LRBA: variants seen among roughly 807,000 people sequenced by gnomAD.
LRBA encodes the protein LPS responsive beige-like anchor protein.
LRBA carries 176 observed loss-of-function variants against 330.0 expected under a neutral mutation model. The observed-to-expected ratio is 0.53, with a 90% confidence interval of 0.47 to 0.60. LRBA has a LOEUF of 0.60. Ranked by LOEUF, LRBA falls within the 20% of genes least tolerant of loss-of-function variation. The pLI, the probability that LRBA is intolerant of heterozygous loss-of-function variation, is 0.00. For missense variants in LRBA, 3,259 were observed against 3,444.8 expected, an observed-to-expected ratio of 0.95 and a Z score of 1.35; for synonymous variants, 1,230 against 1,193.0, an observed-to-expected ratio of 1.03 and a Z score of -0.64.
chr4:150,967,824 T>C lies in LRBA; in HGVS notation c.217-38759A>G, dbSNP rs906775375. ...TGGGGTATCATAAACCATGTCCATA[T>C]AAGATAGTGAACTTAATAAATGTGG... On this transcript the variant is annotated intron_variant, in intron 2 of 56. Transcript: ENST00000651943. Among the ~76,000 whole-genome samples the C allele has an allele frequency of 2.0e-5, 3 of 152,146 alleles. No homozygotes were observed. In the East Asian group the frequency reaches 5.8e-4, roughly 29 times the overall value.
chr4:150,336,613 C>G (rs1281910003), intron 48 of LRBA, among the ~76,000 whole-genome samples: 1 of 152,084 alleles, frequency 6.6e-6, no homozygotes, highest in African/African-American at 2.4e-5. Context: ...ACTAGCATAT[C>G]TACTCAAATA....
At position 150,599,206 on chromosome 4, in the gene LRBA, C is replaced by G. The variant is rs935281365; in HGVS notation, c.5922-75G>C. Reference sequence around the variant, plus strand: ...GGTAGCACTGAATTTCTGCATAAAGCTCTCCTTGTTTGCTCTGCCTTTTTT... The same window carrying G: ...GGTAGCACTGAATTTCTGCATAAAGGTCTCCTTGTTTGCTCTGCCTTTTTT... On this transcript the variant is annotated intron_variant, in intron 37 of 56. Transcript: ENST00000651943. 33 of 1,532,052 alleles carry G rather than the reference C, an allele frequency of 2.2e-5. No individual in the cohort carries two copies. In the African/African-American group the frequency reaches 3.8e-4, roughly 18 times the overall value. 94.9% of individuals were successfully genotyped at this position (1,532,052 alleles called of 1,614,324 possible). A position where few individuals can be genotyped will look rare whatever the true frequency, so the allele number is the denominator to read the frequency against.
chr4:150,442,577 C>A (rs996686849), intron 44 of LRBA, among the ~76,000 whole-genome samples: 1 of 152,064 alleles, frequency 6.6e-6, no homozygotes, highest in Non-Finnish European at 1.5e-5. Context: ...ATAAAGCCTG[C>A]CTTACAGTAC....
chr4:150,845,359 AAC>A (rs1749700933), intron 26 of LRBA, among the ~76,000 whole-genome samples: 1 of 152,206 alleles, frequency 6.6e-6, no homozygotes, highest in African/African-American at 2.4e-5. Context: ...CTTTCATTAA[AAC>A]TGCTTAGAAA....
chr4:150,502,963 G>A (rs1000619892), intron 40 of LRBA, among the ~76,000 whole-genome samples: 1 of 152,328 alleles, frequency 6.6e-6, no homozygotes, highest in Middle Eastern at 3.4e-3. Flanking sequence ...TGCTAGCACA[G>A]CAGTCTGAGA....
chr4:150,438,534 C>T (rs1294321062), intron 44 of LRBA, among the ~76,000 whole-genome samples: 4 of 151,994 alleles, frequency 2.6e-5, no homozygotes, highest in African/African-American at 9.7e-5. Flanking sequence ...AAAAAAGATA[C>T]ACAACAGTCT....
chr4:150,865,022 G>A (rs1475220626), intron 22 of LRBA, among the ~76,000 whole-genome samples: 4 of 152,256 alleles, frequency 2.6e-5, no homozygotes, highest in Non-Finnish European at 5.9e-5. Context: ...AGGACTTGAA[G>A]AAACTAAGGT....
chr4:150,363,479 T>C (rs546624370), intron 47 of LRBA, among the ~76,000 whole-genome samples: 2 of 152,380 alleles, frequency 1.3e-5, no homozygotes, highest in Non-Finnish European at 2.9e-5. Context: ...ATATTTATTA[T>C]ATTACATGTT....
chr4:150,351,412 G>A (rs745348167), intron 47 of LRBA, among the ~76,000 whole-genome samples: 8 of 152,176 alleles, frequency 5.3e-5, no homozygotes, highest in South Asian at 2.1e-4. Context: ...ACAGTAGGCC[G>A]GGCACGGTGG....
At chr4:150,336,955 C>T (rs1010732707) in intron 48 of LRBA, among the ~76,000 whole-genome samples, 2 of 152,174 alleles carry the variant, frequency 1.3e-5, no homozygotes, top group Non-Finnish European at 2.9e-5. Flanking sequence ...TTCAAAACAC[C>T]TCCATCTCTG....
At chr4:150,444,547 A>C (rs1752340161) in intron 44 of LRBA, among the ~76,000 whole-genome samples, 1 of 152,160 alleles carries the variant, frequency 6.6e-6, no homozygotes, top group Non-Finnish European at 1.5e-5. Context: ...TATATGCTAT[A>C]TAAGGCCGAA....
rs542507089 is a variant in LRBA at position 150,325,146 on chromosome 4, G to C, written c.7452+663C>G. 1.1e-4 allele frequency among the ~76,000 whole-genome samples: 17 copies of C among 152,190 alleles called. No individual in the cohort carries two copies. In the South Asian group the frequency reaches 3.3e-3, roughly 30 times the overall value. On this transcript the variant is annotated intron_variant, in intron 49 of 56. Transcript: ENST00000651943. The stretch of plus-strand genomic sequence containing the variant: ...ATGGGACTGCTCCTACCATGGGAGC[G>C]GCCTGGTCTAGCTTCCTTAAGGATG...
intron 4 of LRBA, among the ~76,000 whole-genome samples, chr4:150,921,831 T>C (rs1733311877): frequency 6.6e-6 from 1 of 152,154 alleles, no homozygotes; most frequent in South Asian, 2.1e-4. Context: ...GTTCAAGCGA[T>C]TCTCCTGCCT....
chr4:150,661,078 TAAAAAAA>T (rs559512113), intron 37 of LRBA, among the ~76,000 whole-genome samples: 54 of 102,594 alleles, frequency 5.3e-4, no homozygotes, highest in African/African-American at 1.9e-3. Flanking sequence ...AAAAATAAAT[TAAAAAAA>T]AAAAAAAAAA....
Position 150,496,102 on chromosome 4 carries a change from C to G in LRBA, c.6331-5067G>C, listed in dbSNP as rs149873986. 9.2e-3 allele frequency among the ~76,000 whole-genome samples: 1,394 copies of G among 152,046 alleles called. 27 individuals carry two copies. The highest frequency in any genetic ancestry group is 0.032 in the African/African-American group (1,310 of 41,518). Reference sequence around the variant, plus strand: ...ATTTATTTACTGTAAAACATCAAACCTATCTTTTTTAAAAGTTTTATTTAA... The same window carrying G: ...ATTTATTTACTGTAAAACATCAAACGTATCTTTTTTAAAAGTTTTATTTAA... On this transcript the variant is annotated intron_variant, in intron 40 of 56. Coordinates refer to ENST00000651943, the MANE Select transcript of LRBA (RefSeq NM_001364905.1).
chr4:150,996,652 C>A (rs1360520340), intron 2 of LRBA, among the ~76,000 whole-genome samples: 1 of 152,146 alleles, frequency 6.6e-6, no homozygotes, highest in Non-Finnish European at 1.5e-5. Context: ...TTTCTCAAAG[C>A]TTATCACTCT....
chr4:150,913,536 T>C (rs1221159136), intron 9 of LRBA, among the ~76,000 whole-genome samples: 9 of 152,248 alleles, frequency 5.9e-5, no homozygotes, highest in Non-Finnish European at 1.2e-4. Context: ...TGTATACTAC[T>C]GCTAAATACA....
At chr4:150,778,595 G>A (rs1737743219) in intron 34 of LRBA, among the ~76,000 whole-genome samples, 1 of 152,046 alleles carries the variant, frequency 6.6e-6, no homozygotes, top group Non-Finnish European at 1.5e-5. Flanking sequence ...CTTCCAAACT[G>A]GCATCAATTT....
intron 2 of LRBA, among the ~76,000 whole-genome samples, chr4:150,964,910 G>A (rs1168216216): frequency 6.6e-6 from 1 of 152,170 alleles, no homozygotes; most frequent in African/African-American, 2.4e-5. Context: ...GTCAACCTTA[G>A]TCATAAGGGA....
Sources: gnomAD v4.1 joint callset for allele counts (sites outside exome capture counted in the v4.1 genomes callset) on GRCh38, gnomAD v4.1.1 for gene constraint, MANE v1.5 for transcripts, NCBI Gene and HGNC (gene_info 2026-07-23, HGNC 2026-07-21) for gene names.